Variants in DCC observed in about 807,000 individuals in gnomAD.
The protein encoded by DCC is netrin receptor DCC.
Under a neutral mutation model 172.5 loss-of-function variants are expected in DCC, and 58 were observed. The ratio of observed to expected loss-of-function variants is 0.34; its 90% confidence interval spans 0.27 to 0.42. The LOEUF (loss-of-function observed/expected upper bound fraction) is 0.42, where lower values mean the gene tolerates loss of function less well. DCC is among the 10% of genes least tolerant of loss of function. The probability of loss-of-function intolerance (pLI) is 1.00; values close to 1 mark genes in which losing one functional copy is unlikely to be tolerated. For missense variants in DCC, 1,740 were observed against 1,791.0 expected, an observed-to-expected ratio of 0.97 and a Z score of 0.51; for synonymous variants, 709 against 644.5, an observed-to-expected ratio of 1.10 and a Z score of -1.52.
chr18:53,072,795 G>T (rs2042673567), intron 7 of DCC, among the ~76,000 whole-genome samples: 1 of 152,152 alleles, frequency 6.6e-6, no homozygotes, highest in Non-Finnish European at 1.5e-5. Flanking sequence ...TGCATATTTG[G>T]CTGTGTGGTG....
intron 2 of DCC, among the ~76,000 whole-genome samples, chr18:52,767,929 T>G (rs566511474): frequency 1.3e-5 from 2 of 152,132 alleles, no homozygotes; most frequent in African/African-American, 4.8e-5. Context: ...AGGAAGAAAA[T>G]GTGAGTGCTG....
intron 8 of DCC, among the ~76,000 whole-genome samples, chr18:53,170,474 T>C (rs1348611760): frequency 6.6e-6 from 1 of 152,224 alleles, no homozygotes; most frequent in Non-Finnish European, 1.5e-5. Context: ...GAAACCTATC[T>C]ATGTAGCTTT....
At chr18:53,265,279 A>G (rs999080120) in intron 12 of DCC, among the ~76,000 whole-genome samples, 3 of 152,212 alleles carry the variant, frequency 2.0e-5, no homozygotes, top group South Asian at 2.1e-4. Flanking sequence ...ACCTGGCTCA[A>G]TATTACTAAT....
chr18:53,296,081 T>C (rs2057063919), intron 12 of DCC, among the ~76,000 whole-genome samples: 1 of 152,210 alleles, frequency 6.6e-6, no homozygotes, highest in African/African-American at 2.4e-5. Context: ...TTTCTCTCTC[T>C]CAGTGCTCCT....
intron 5 of DCC, among the ~76,000 whole-genome samples, chr18:53,054,267 G>T (rs1599075022): frequency 6.8e-6 from 1 of 146,538 alleles, no homozygotes; most frequent in Non-Finnish European, 1.6e-5. Flanking sequence ...AGAACCCACA[G>T]ATATATATGA....
chr18:52,715,459 C>T (rs1184509355), intron 1 of DCC, among the ~76,000 whole-genome samples: 2 of 151,820 alleles, frequency 1.3e-5, no homozygotes, highest in Non-Finnish European at 2.9e-5. Context: ...GCCACCACAC[C>T]CAGCTAATTT....
chr18:52,888,057 TCA>T (rs576672151), intron 2 of DCC, among the ~76,000 whole-genome samples: 5 of 152,254 alleles, frequency 3.3e-5, no homozygotes, highest in Non-Finnish European at 7.3e-5. Flanking sequence ...CCATTTTATA[TCA>T]CAAAGAATTA....
At chr18:53,040,450 G>A (rs35724995) in intron 5 of DCC, among the ~76,000 whole-genome samples, 16,082 of 151,886 alleles carry the variant, frequency 0.11, 1,202 homozygotes, top group East Asian at 0.37. Context: ...GTGTATTCCT[G>A]AGTTTCATCT....
chr18:52,639,696 G>A (rs1428256282), intron 1 of DCC, among the ~76,000 whole-genome samples: 4 of 151,786 alleles, frequency 2.6e-5, no homozygotes, highest in Non-Finnish European at 4.4e-5. Context: ...GATCAATAAC[G>A]AGCAGCAAGA....
At chr18:52,845,803 C>T (rs1393269518) in intron 2 of DCC, among the ~76,000 whole-genome samples, 1 of 152,222 alleles carries the variant, frequency 6.6e-6, no homozygotes, top group African/African-American at 2.4e-5. Flanking sequence ...TTAGAAAGCT[C>T]TGCTTCAGCA....
At chr18:52,343,742 A>T (rs1983757137) in intron 1 of DCC, among the ~76,000 whole-genome samples, 1 of 152,248 alleles carries the variant, frequency 6.6e-6, no homozygotes, top group African/African-American at 2.4e-5. Context: ...CATTGAAAAA[A>T]ATCTGTGAGT....
chr18:52,811,344 TTTG>T (rs1185020002), intron 2 of DCC, among the ~76,000 whole-genome samples: 1 of 152,196 alleles, frequency 6.6e-6, no homozygotes, highest in Non-Finnish European at 1.5e-5. Context: ...CATTCATTAG[TTTG>T]TTGGGTTAAC....
chr18:53,210,086 G>A (rs1049473148), intron 11 of DCC, among the ~76,000 whole-genome samples: 1 of 152,154 alleles, frequency 6.6e-6, no homozygotes, highest in African/African-American at 2.4e-5. Context: ...AGTGGACACC[G>A]TGACCTCGTT....
Position 53,095,965 on chromosome 18 carries a change from C to T in DCC, c.1261+29799C>T, listed in dbSNP as rs151129131. On this transcript the variant is annotated intron_variant, in intron 7 of 28. Transcript: ENST00000442544. ...AAATAATATGGAAAAACACCAGTGG[C>T]CAGGCACAGTGGCTGAAGGCTGTAA... Among the ~76,000 whole-genome samples the T allele has an allele frequency of 9.1e-3, 1,388 of 151,828 alleles. 6 individuals carry two copies. The highest frequency in any genetic ancestry group is 0.014 in the Middle Eastern group (4 of 292).
chr18:52,801,432 G>T (rs2145227394), intron 2 of DCC, among the ~76,000 whole-genome samples: 1 of 151,986 alleles, frequency 6.6e-6, no homozygotes. Context: ...ATGAGTATTA[G>T]TTTTTCTTTA....
intron 1 of DCC, among the ~76,000 whole-genome samples, chr18:52,365,709 A>C (rs1456110267): frequency 6.6e-6 from 1 of 152,230 alleles, no homozygotes; most frequent in African/African-American, 2.4e-5. Context: ...TTCAACACTT[A>C]CAGTATTGCT....
At chr18:53,271,482 A>T (rs1273513081) in intron 12 of DCC, among the ~76,000 whole-genome samples, 2 of 152,116 alleles carry the variant, frequency 1.3e-5, no homozygotes, top group African/African-American at 2.4e-5. Flanking sequence ...CTGTGTTTTC[A>T]TCTGCAAGTT....
intron 2 of DCC, among the ~76,000 whole-genome samples, chr18:52,888,916 TAC>T (rs1327613657): frequency 6.6e-6 from 1 of 152,030 alleles, no homozygotes; most frequent in Admixed American, 6.6e-5. Flanking sequence ...TATCTATATA[TAC>T]ACACACATAT....
chr18:52,421,125 G>A (rs1181797733), intron 1 of DCC, among the ~76,000 whole-genome samples: 1 of 152,110 alleles, frequency 6.6e-6, no homozygotes, highest in Non-Finnish European at 1.5e-5. Flanking sequence ...AAAAGTTATT[G>A]AACTGTACAG....
Sources: gnomAD v4.1 joint callset for allele counts (sites outside exome capture counted in the v4.1 genomes callset) on GRCh38, gnomAD v4.1.1 for gene constraint, MANE v1.5 for transcripts, NCBI Gene and HGNC (gene_info 2026-07-23, HGNC 2026-07-21) for gene names.